Variants in SAMMSON observed in about 807,000 individuals in gnomAD.
The protein encoded by SAMMSON is survival associated mitochondrial melanoma specific oncogenic non-coding RNA.
chr3:70,229,777 G>C (rs1433092340), intron 4 of SAMMSON, among the ~76,000 whole-genome samples: 1 of 152,152 alleles, frequency 6.6e-6, no homozygotes, highest in African/African-American at 2.4e-5. Flanking sequence ...TCTGCATTGA[G>C]ATTTTGGTGG....
At chr3:70,059,389 G>T (rs1320786028) in intron 3 of SAMMSON, among the ~76,000 whole-genome samples, 1 of 152,004 alleles carries the variant, frequency 6.6e-6, no homozygotes, top group Non-Finnish European at 1.5e-5. Flanking sequence ...AATTATGGGA[G>T]TTGAGAATTC....
At chr3:70,180,756 G>C (rs1374882172) in intron 4 of SAMMSON, among the ~76,000 whole-genome samples, 1 of 152,176 alleles carries the variant, frequency 6.6e-6, no homozygotes, top group East Asian at 1.9e-4. Context: ...ATATACAGTG[G>C]TGCACAACAG....
chr3:70,240,389 G>A (rs1158382931), intron 4 of SAMMSON, among the ~76,000 whole-genome samples: 1 of 151,628 alleles, frequency 6.6e-6, no homozygotes, highest in Non-Finnish European at 1.5e-5. Flanking sequence ...TGAGCTATGT[G>A]GTTTTTTGTC....
intron 7 of SAMMSON, among the ~76,000 whole-genome samples, chr3:70,316,966 CAT>C (rs1439999413): frequency 2.0e-5 from 3 of 152,018 alleles, no homozygotes; most frequent in African/African-American, 4.8e-5. Context: ...TAAGGATAAA[CAT>C]GTGAATAACA....
intron 1 of SAMMSON, among the ~76,000 whole-genome samples, chr3:70,009,853 G>A (rs2066946406): frequency 1.3e-5 from 2 of 150,078 alleles, no homozygotes. Flanking sequence ...TGTTCTCATT[G>A]GTGTCAAAGA....
intron 4 of SAMMSON, among the ~76,000 whole-genome samples, chr3:70,157,161 T>G (rs2067595380): frequency 6.6e-6 from 1 of 152,134 alleles, no homozygotes; most frequent in Non-Finnish European, 1.5e-5. Flanking sequence ...TACTTTTTCC[T>G]AAACATTTTT....
chr3:70,071,123 G>A (rs73836059), intron 3 of SAMMSON, among the ~76,000 whole-genome samples: 1,752 of 152,086 alleles, frequency 0.012, 38 homozygotes, highest in African/African-American at 0.04. Context: ...AAAAAAAAGG[G>A]ATAGCTCATA....
At chr3:70,406,633 A>G (rs777903281) in intron 2 of SAMMSON, among the ~76,000 whole-genome samples, 6 of 152,232 alleles carry the variant, frequency 3.9e-5, no homozygotes, top group Non-Finnish European at 5.9e-5. Context: ...ACATGATGCA[A>G]TATTTCAATG....
chr3:70,267,514 T>C (rs1575610686), intron 6 of SAMMSON, among the ~76,000 whole-genome samples: 1 of 144,114 alleles, frequency 6.9e-6, no homozygotes, highest in Non-Finnish European at 1.5e-5. Flanking sequence ...GCCCTTCTCC[T>C]GCCTCAGCTT....
chr3:70,252,952 C>T (rs566542252), intron 6 of SAMMSON, among the ~76,000 whole-genome samples: 3 of 151,786 alleles, frequency 2.0e-5, no homozygotes, highest in South Asian at 2.1e-4. Context: ...TGGTGGCAGG[C>T]GCCTGTAATT....
At chr3:70,333,946 G>A (rs898963156) in intron 7 of SAMMSON, among the ~76,000 whole-genome samples, 2 of 152,202 alleles carry the variant, frequency 1.3e-5, no homozygotes, top group African/African-American at 4.8e-5. Flanking sequence ...TTAGTTATCT[G>A]ATGGTCACCT....
intron 3 of SAMMSON, among the ~76,000 whole-genome samples, chr3:70,033,587 A>G (rs564199230): frequency 6.6e-6 from 1 of 152,310 alleles, no homozygotes; most frequent in South Asian, 2.1e-4. Flanking sequence ...TCTTGCAAGT[A>G]ACAGCCAGCC....
chr3:70,163,164 G>T (rs1374001801), intron 4 of SAMMSON, among the ~76,000 whole-genome samples: 5 of 151,036 alleles, frequency 3.3e-5, no homozygotes, highest in Non-Finnish European at 7.4e-5. Context: ...GATATAGTAT[G>T]ATTTATTTTT....
intron 8 of SAMMSON, among the ~76,000 whole-genome samples, chr3:70,356,576 C>G (rs1702830880): frequency 6.6e-6 from 1 of 152,164 alleles, no homozygotes. Flanking sequence ...CAGCTCCTTT[C>G]TCTGGTCTTC....
chr3:70,022,214 C>T (rs202024091), intron 3 of SAMMSON, among the ~76,000 whole-genome samples: 254 of 142,974 alleles, frequency 1.8e-3, no homozygotes, highest in Non-Finnish European at 3.1e-3. Context: ...CAAATGACAA[C>T]GTGATATTCC....
rs190961604 is a variant in SAMMSON at position 70,338,403 on chromosome 3, G to T, written n.740-15772G>T. On this transcript the variant is annotated intron_variant and non_coding_transcript_variant, in intron 7 of 9. Transcript: ENST00000642114. Reference sequence around the variant, plus strand: ...AGATGATTGTGCAGAAGAGTTAACAGCAGGCAGGCAGGAGAAAGAAATAAA... The same window carrying T: ...AGATGATTGTGCAGAAGAGTTAACATCAGGCAGGCAGGAGAAAGAAATAAA... Among the ~76,000 whole-genome samples the T allele has an allele frequency of 9.1e-3, 1,389 of 152,174 alleles. 43 individuals are homozygous for T. Among genetic ancestry groups the T allele is most frequent in the South Asian group, 0.016 (78 of 4,824 alleles).
At chr3:70,272,179 C>T (rs1701981801) in intron 6 of SAMMSON, 1 of 152,178 alleles carries the variant, frequency 6.6e-6, no homozygotes, top group Non-Finnish European at 1.5e-5. Flanking sequence ...AAAATGTACC[C>T]ATTCCAAATG....
At chr3:70,132,770 T>TAAAA (rs79327577) in intron 4 of SAMMSON, among the ~76,000 whole-genome samples, 1 of 93,350 alleles carries the variant, frequency 1.1e-5, no homozygotes, top group Non-Finnish European at 2.2e-5. Flanking sequence ...GATGAGACCC[T>TAAAA]AAAAAAAAAA....
At chr3:70,009,878 G>A (rs1006312545) in intron 1 of SAMMSON, among the ~76,000 whole-genome samples, 1 of 149,822 alleles carries the variant, frequency 6.7e-6, no homozygotes, top group Non-Finnish European at 1.5e-5. Context: ...CTTTATTTCT[G>A]CCTTCATTTC....
Sources: allele counts gnomAD v4.1 joint callset (sites outside exome capture counted in the v4.1 genomes callset), GRCh38; gene constraint gnomAD v4.1.1; transcripts MANE v1.5; gene names NCBI Gene and HGNC (gene_info 2026-07-23, HGNC 2026-07-21).